CELF1: variants seen among roughly 807,000 people sequenced by gnomAD.
The protein encoded by CELF1 is 50 kDa nuclear polyadenylated RNA-binding protein.
Under a neutral mutation model 61.8 loss-of-function variants are expected in CELF1, and 10 were observed. That is an observed-to-expected ratio of 0.16 (90% CI 0.10 to 0.27). The LOEUF (loss-of-function observed/expected upper bound fraction) is 0.27. CELF1 is among the 10% of genes least tolerant of loss of function. CELF1 has a pLI of 1.00. For missense variants in CELF1, 380 were observed against 639.1 expected (o/e 0.59, Z 4.37); for synonymous variants, 236 against 225.1 (o/e 1.05, Z -0.43).
intron 3 of CELF1, among the ~76,000 whole-genome samples, chr11:47,498,799 G>A (rs995504983): frequency 6.6e-6 from 1 of 152,150 alleles, no homozygotes; most frequent in Non-Finnish European, 1.5e-5. Flanking sequence ...AAGCTAACAA[G>A]GTTTCTCACT....
rs1025722375 is a variant in CELF1, at chr11:47,479,062, G to T, written c.769-110C>A. ...AGAGTGCAGAGGCCCCCAGAGAGAA[G>T]AAAGTCAAAGACAAGAACCCAAGCC... is the stretch of plus-strand genomic sequence containing the variant. On this transcript the variant is annotated intron_variant, in intron 9 of 14. Transcript: ENST00000687097. The T allele has an allele frequency of 1.1e-5, 9 of 797,400 alleles. No individual in the cohort carries two copies. The African/African-American group carries it at 1.6e-4, about 14-fold the overall frequency. 49.4% of individuals were successfully genotyped at this position (797,400 alleles called of 1,614,324 possible). A position where few individuals can be genotyped will look rare whatever the true frequency, so the allele number is the denominator to read the frequency against.
At chr11:47,554,107 T>C (rs2097195003), upstream of CELF1, among the ~76,000 whole-genome samples, 1 of 152,082 alleles carries the variant, frequency 6.6e-6, no homozygotes. Context: ...TACCCACAAA[T>C]ACTGATTATA....
chr11:47,559,003 A>T (rs962489866), intron 2 of CELF1, among the ~76,000 whole-genome samples: 16 of 142,504 alleles, frequency 1.1e-4, no homozygotes, highest in African/African-American at 4.1e-4. Flanking sequence ...TATATGTTAT[A>T]CATAATATAT....
At chr11:47,545,905 GTA>G (rs1233875512) in intron 1 of CELF1, among the ~76,000 whole-genome samples, 40 of 109,238 alleles carry the variant, frequency 3.7e-4, no homozygotes, top group African/African-American at 6.2e-4. Flanking sequence ...GTGTGTGTGT[GTA>G]TATATATATT....
At chr11:47,499,808 C>T (rs888780732) in intron 2 of CELF1, 4 of 395,060 alleles carry the variant, frequency 1.0e-5, no homozygotes, top group South Asian at 6.6e-5. Flanking sequence ...TTTTCCCTGG[C>T]GAAGCAGTAC....
intron 1 of CELF1, among the ~76,000 whole-genome samples, chr11:47,537,052 T>C (rs979929928): frequency 2.6e-5 from 4 of 152,124 alleles, no homozygotes; most frequent in African/African-American, 9.7e-5. Flanking sequence ...CTTGATTTTA[T>C]TTGGAAAAGC....
At chr11:47,563,898 G>A (rs920512442) in intron 2 of CELF1, among the ~76,000 whole-genome samples, 4 of 151,814 alleles carry the variant, frequency 2.6e-5, no homozygotes, top group Admixed American at 6.6e-5. Flanking sequence ...GCAGCTACTC[G>A]GGAGGCTGAG....
At chr11:47,477,554 A>G in intron 10 of CELF1, 129 bp from the exon 11 acceptor site, 2 of 895,080 alleles carry the variant, frequency 2.2e-6, no homozygotes, top group Non-Finnish European at 3.4e-6. Flanking sequence ...AAGCCTTACA[A>G]ACAACATTAC....
intron 13 of CELF1, among the ~76,000 whole-genome samples, chr11:47,474,625 G>A (rs968000167): frequency 6.6e-6 from 1 of 152,202 alleles, no homozygotes; most frequent in African/African-American, 2.4e-5. Context: ...TTCACAGCAG[G>A]TGAGGAGAGA....
chr11:47,562,990 G>C (rs1003099858), intron 2 of CELF1, among the ~76,000 whole-genome samples: 3 of 152,064 alleles, frequency 2.0e-5, no homozygotes, highest in Non-Finnish European at 4.4e-5. Context: ...TGGGATTACA[G>C]GTGTGAGCCA....
chr11:47,519,924 C>G (rs1247079712), intron 1 of CELF1, among the ~76,000 whole-genome samples: 1 of 140,450 alleles, frequency 7.1e-6, no homozygotes, highest in African/African-American at 2.5e-5. Flanking sequence ...CTGTCACATC[C>G]TTCAAATCAC....
In CELF1 at chr11:47,483,510, T is replaced by C; in HGVS notation, c.549A>G (p.Thr183=). The change falls in exon 8 of 15, where the codon ACA becomes ACG. Residue 183 remains threonine, a synonymous_variant. Coordinates refer to ENST00000687097, the MANE Select transcript of CELF1 (RefSeq NM_001376376.1). Reference sequence around the variant, plus strand: ...TAGCCGTCTGTGCCATGGCTCTTGTTGTAAAAGTCACAAATGCACAACCTG... The same window carrying C: ...TAGCCGTCTGTGCCATGGCTCTTGTCGTAAAAGTCACAAATGCACAACCTG... ...LSRGCAFVTF[T]TRAMAQTAIK... is the part of the protein sequence containing the mutation. 4 of 1,614,038 alleles carry C rather than the reference T, an allele frequency of 2.5e-6. No homozygotes were observed. The highest frequency in any genetic ancestry group is 3.4e-6 in the Non-Finnish European group (4 of 1,179,932).
chr11:47,496,877 C>T (rs1433751194), intron 3 of CELF1, among the ~76,000 whole-genome samples: 2 of 152,112 alleles, frequency 1.3e-5, no homozygotes, highest in Non-Finnish European at 2.9e-5. Context: ...GGAGTTTATT[C>T]CAAGATTTTA....
Position 47,558,659 on chromosome 11 carries a change from TATTAC to T in CELF1, c.-11+5687_-11+5691del, listed in dbSNP as rs1450943386. Among the ~76,000 whole-genome samples, 14 of 111,412 alleles carry T rather than the reference TATTAC, an allele frequency of 1.3e-4. No individual in the cohort carries two copies. In the South Asian group the frequency reaches 3.1e-3, roughly 25 times the overall value. The allele number at this position is 111,412 out of a possible 152,430, so 73.1% of individuals were successfully genotyped here. On this transcript the variant is annotated intron_variant, in intron 2 of 3. Coordinates refer to the CELF1 transcript ENST00000525841. ...AATGTGTAATATATTAGATATAATA[TATTAC>T]ATAATATAATATGTAATATATTATA... is the stretch of plus-strand genomic sequence containing the variant.
chr11:47,506,858 C>G (rs1020966920), intron 1 of CELF1: 1 of 152,228 alleles, frequency 6.6e-6, no homozygotes, highest in Admixed American at 6.5e-5. Context: ...TAGCCCATAC[C>G]TGTAGCTTTA....
intron 1 of CELF1, among the ~76,000 whole-genome samples, chr11:47,547,077 AAAAAAAAAAAAAAAAAG>A (rs1408872671): frequency 2.0e-5 from 3 of 147,588 alleles, no homozygotes; most frequent in African/African-American, 7.7e-5. Context: ...AAAAAAAAAA[AAAAAAAAAAAAAAAAAG>A]AAAGAAAGAA....
chr11:47,503,806 C>T (rs2094203669), intron 1 of CELF1, among the ~76,000 whole-genome samples: 1 of 152,284 alleles, frequency 6.6e-6, no homozygotes, highest in East Asian at 1.9e-4. Flanking sequence ...TATGGTGACA[C>T]AAACTGGTAA....
intron 2 of CELF1, among the ~76,000 whole-genome samples, chr11:47,559,759 T>G (rs1262069040): frequency 6.6e-6 from 1 of 152,158 alleles, no homozygotes; most frequent in African/African-American, 2.4e-5. Flanking sequence ...CCTAGCACTT[T>G]GGGAGGCTGC....
At position 47,553,085 on chromosome 11, in the gene CELF1, G is replaced by T. The variant is rs1044400543; in HGVS notation, c.-247C>A. On this transcript the variant is annotated 5_prime_UTR_variant, in exon 1 of 15. Coordinates refer to ENST00000687097, the MANE Select transcript of CELF1 (RefSeq NM_001376376.1). ...TCGCTGCTGAGGCCGAATCCCGGGGGAGCCTCCGCGTCCCGCCGCCGCTGC... is the reference window on the plus strand; with the variant it reads ...TCGCTGCTGAGGCCGAATCCCGGGGTAGCCTCCGCGTCCCGCCGCCGCTGC... The T allele has an allele frequency of 5.0e-6, 2 of 399,788 alleles. No individual in the cohort carries two copies. Among genetic ancestry groups the T allele is most frequent in the Non-Finnish European group, 4.4e-6 (1 of 227,154 alleles). The allele number at this position is 399,788 out of a possible 1,614,324, so 24.8% of individuals were successfully genotyped here.
Sources: gnomAD v4.1 joint callset for allele counts (sites outside exome capture counted in the v4.1 genomes callset) on GRCh38, gnomAD v4.1.1 for gene constraint, MANE v1.5 for transcripts, NCBI Gene and HGNC (gene_info 2026-07-23, HGNC 2026-07-21) for gene names.